Variants in BBS9 observed in about 807,000 individuals in gnomAD.
The protein encoded by BBS9 is Bardet-Biedl syndrome 9.
A neutral mutation model predicts 117.7 loss-of-function variants in BBS9; 89 were observed. The observed-to-expected ratio is 0.76, with a 90% CI of 0.64 to 0.90. The LOEUF (loss-of-function observed/expected upper bound fraction) is 0.90. BBS9 is among the 40% of genes least tolerant of loss of function. The probability of loss-of-function intolerance (pLI) is 0.00; values close to 1 mark genes in which losing one functional copy is unlikely to be tolerated. For missense variants in BBS9, 982 were observed against 1,042.2 expected, an observed-to-expected ratio of 0.94 and a Z score of 0.80; for synonymous variants, 379 against 370.9, an observed-to-expected ratio of 1.02 and a Z score of -0.25.
At chr7:33,632,183 A>G (rs549817658) in intron 21 of BBS9, among the ~76,000 whole-genome samples, 1 of 152,164 alleles carries the variant, frequency 6.6e-6, no homozygotes, top group African/African-American at 2.4e-5. Context: ...CAAAGGGCTT[A>G]CTTCCTCCTG....
chr7:33,611,751 A>ATATAATATTATATAATATTATTATAT (rs1428346838), intron 21 of BBS9, among the ~76,000 whole-genome samples: 2 of 138,780 alleles, frequency 1.4e-5, no homozygotes, highest in Non-Finnish European at 3.1e-5. Context: ...TTATTCCTTT[A>ATATAATATTATATAATATTATTATAT]TATAATATTA....
At chr7:33,575,467 T>A (rs1162838667) in intron 21 of BBS9, among the ~76,000 whole-genome samples, 1 of 152,128 alleles carries the variant, frequency 6.6e-6, no homozygotes, top group Non-Finnish European at 1.5e-5. Flanking sequence ...ACGGCCAATT[T>A]CTACCAGAGG....
intron 21 of BBS9, among the ~76,000 whole-genome samples, chr7:33,546,810 T>C (rs1416526078): frequency 6.6e-6 from 1 of 152,198 alleles, no homozygotes; most frequent in Non-Finnish European, 1.5e-5. Flanking sequence ...CTAGTAAATT[T>C]TCCATCTGTG....
chr7:33,473,076 C>G (rs1364094662), intron 19 of BBS9, among the ~76,000 whole-genome samples: 1 of 152,120 alleles, frequency 6.6e-6, no homozygotes, highest in Non-Finnish European at 1.5e-5. Flanking sequence ...CTTCTTTGAA[C>G]TTGGGAAGAT....
chr7:33,616,493 G>GTATATATATATATA (rs66529823), intron 21 of BBS9, among the ~76,000 whole-genome samples: 12 of 136,422 alleles, frequency 8.8e-5, no homozygotes, highest in African/African-American at 2.1e-4. Context: ...GTGTGTGTGT[G>GTATATATATATATA]TATATATATA....
intron 9 of BBS9, among the ~76,000 whole-genome samples, chr7:33,318,357 A>G (rs1326498473): frequency 6.6e-6 from 1 of 152,088 alleles, no homozygotes; most frequent in Non-Finnish European, 1.5e-5. Context: ...AAGCTTTTAC[A>G]ACATTTGTCC....
At position 33,294,343 on chromosome 7, in the gene BBS9, ATCTATCTATC is replaced by A. The variant is rs1386958825; in HGVS notation, c.1016+20391_1016+20400del. ...TATCTATCTATCTATCTATCTATCT[ATCTATCTATC>A]TCTTTGTCCATCCATCCATCCATCC... On this transcript the variant is annotated intron_variant, in intron 9 of 22. Transcript: ENST00000242067. 5.1e-4 allele frequency among the ~76,000 whole-genome samples: 59 copies of A among 116,294 alleles called. No homozygotes were observed. The East Asian group carries it at 0.019, about 37-fold the overall frequency. 76.3% of individuals were successfully genotyped at this position (116,294 alleles called of 152,430 possible).
chr7:33,528,748 A>C (rs951061380), intron 20 of BBS9, among the ~76,000 whole-genome samples: 1 of 152,202 alleles, frequency 6.6e-6, no homozygotes, highest in Non-Finnish European at 1.5e-5. Flanking sequence ...CACACAGTGA[A>C]GGGGCAGATG....
chr7:33,327,773 C>T (rs1427953815), intron 9 of BBS9, among the ~76,000 whole-genome samples: 3 of 151,904 alleles, frequency 2.0e-5, no homozygotes, highest in African/African-American at 7.3e-5. Context: ...GGATTCTGGA[C>T]ATATTTAAAA....
chr7:33,413,012 T>C (rs1831405764), intron 19 of BBS9, among the ~76,000 whole-genome samples: 1 of 152,232 alleles, frequency 6.6e-6, no homozygotes, highest in Non-Finnish European at 1.5e-5. Flanking sequence ...TATGGAACAA[T>C]TGGATACTCA....
intron 19 of BBS9, among the ~76,000 whole-genome samples, chr7:33,423,428 G>A (rs914947679): frequency 6.6e-6 from 1 of 151,970 alleles, no homozygotes; most frequent in African/African-American, 2.4e-5. Flanking sequence ...CTAGCTATAA[G>A]GGGATGAGAA....
At chr7:33,367,218 T>G (rs1821940918) in intron 16 of BBS9, among the ~76,000 whole-genome samples, 1 of 152,192 alleles carries the variant, frequency 6.6e-6, no homozygotes, top group Non-Finnish European at 1.5e-5. Context: ...ATTTTTAAAA[T>G]ATTTTAAATA....
At chr7:33,425,834 T>C (rs1833579307) in intron 19 of BBS9, among the ~76,000 whole-genome samples, 1 of 152,222 alleles carries the variant, frequency 6.6e-6, no homozygotes, top group South Asian at 2.1e-4. Context: ...CCAGTGTCTT[T>C]TGCTGCTCAC....
At chr7:33,203,216 G>T (rs759180369) in intron 5 of BBS9, among the ~76,000 whole-genome samples, 3 of 152,106 alleles carry the variant, frequency 2.0e-5, no homozygotes, top group Non-Finnish European at 4.4e-5. Flanking sequence ...AAAACTACAC[G>T]TTTGCTATAG....
intron 19 of BBS9, among the ~76,000 whole-genome samples, chr7:33,426,189 A>T (rs1414575000): frequency 6.6e-6 from 1 of 152,210 alleles, no homozygotes; most frequent in Non-Finnish European, 1.5e-5. Flanking sequence ...ATAGGAATTC[A>T]GTGTGTTACA....
intron 21 of BBS9, among the ~76,000 whole-genome samples, chr7:33,631,694 T>C (rs748651283): frequency 5.3e-5 from 8 of 152,158 alleles, no homozygotes; most frequent in Non-Finnish European, 1.2e-4. Context: ...TCCCTTTAAA[T>C]GCAAACCAAA....
intron 11 of BBS9, 30 bp from the exon 12 acceptor site, chr7:33,344,550 CT>C: frequency 6.2e-7 from 1 of 1,608,196 alleles, no homozygotes; most frequent in Non-Finnish European, 8.5e-7. Flanking sequence ...TGACATCATT[CT>C]TTCTTGCCTT....
chr7:33,156,047 A>G (rs778134220), intron 4 of BBS9, among the ~76,000 whole-genome samples: 1 of 152,150 alleles, frequency 6.6e-6, no homozygotes, highest in Non-Finnish European at 1.5e-5. Context: ...CAATAACAAA[A>G]TTGATTAGAT....
At chr7:33,411,061 C>A (rs945593830) in intron 19 of BBS9, among the ~76,000 whole-genome samples, 1 of 146,590 alleles carries the variant, frequency 6.8e-6, no homozygotes. Context: ...TAGTGCAGAC[C>A]CTGTATATGC....
Sources: gnomAD v4.1 joint callset for allele counts (sites outside exome capture counted in the v4.1 genomes callset) on GRCh38, gnomAD v4.1.1 for gene constraint, MANE v1.5 for transcripts, NCBI Gene and HGNC (gene_info 2026-07-23, HGNC 2026-07-21) for gene names.